CSMD1: variants seen among roughly 807,000 people sequenced by gnomAD.
CSMD1 encodes CUB and sushi domain-containing protein 1.
In CSMD1, 213 loss-of-function variants were observed where a neutral mutation model predicts 417.5. That is an observed-to-expected ratio of 0.51 (90% CI 0.46 to 0.57). The LOEUF is 0.57. CSMD1 is among the 20% of genes least tolerant of loss of function. CSMD1 has a pLI of 0.00. For synonymous variants in CSMD1, 2,862 were observed against 1,736.8 expected (o/e 1.65, Z -16.11); for missense variants, 6,923 against 4,529.7 (o/e 1.53, Z -15.17).
At chr8:3,909,093 C>T (rs951901143) in intron 5 of CSMD1, among the ~76,000 whole-genome samples, 2 of 152,096 alleles carry the variant, frequency 1.3e-5, no homozygotes, top group African/African-American at 4.8e-5. Flanking sequence ...TGAACAAGTC[C>T]ACTGGGCTGG....
chr8:3,827,788 T>C (rs535591180), intron 5 of CSMD1, among the ~76,000 whole-genome samples: 1 of 152,316 alleles, frequency 6.6e-6, no homozygotes, highest in African/African-American at 2.4e-5. Context: ...ATCCTATAAA[T>C]TATTGCCAGT....
chr8:3,792,541 T>A (rs558551537), intron 5 of CSMD1, among the ~76,000 whole-genome samples: 3 of 152,288 alleles, frequency 2.0e-5, no homozygotes, highest in African/African-American at 7.2e-5. Context: ...GATTTATTTT[T>A]CAGACTAGTA....
At chr8:3,935,005 A>C (rs1810385754) in intron 5 of CSMD1, among the ~76,000 whole-genome samples, 1 of 152,292 alleles carries the variant, frequency 6.6e-6, no homozygotes, top group African/African-American at 2.4e-5. Context: ...CACATAATCA[A>C]GTGCATGGAG....
intron 18 of CSMD1, among the ~76,000 whole-genome samples, chr8:3,375,770 G>T (rs1472578656): frequency 6.6e-6 from 1 of 152,048 alleles, no homozygotes; most frequent in African/African-American, 2.4e-5. Context: ...GGACACTGCA[G>T]CATGAATCTC....
intron 27 of CSMD1, among the ~76,000 whole-genome samples, chr8:3,228,628 C>T (rs1798653742): frequency 6.6e-6 from 1 of 151,960 alleles, no homozygotes; most frequent in African/African-American, 2.4e-5. Flanking sequence ...AACAGAAGAT[C>T]GATTTGTTTA....
intron 25 of CSMD1, among the ~76,000 whole-genome samples, chr8:3,298,703 C>T (rs894852275): frequency 3.3e-5 from 5 of 152,228 alleles, no homozygotes; most frequent in Non-Finnish European, 7.3e-5. Context: ...ATCTGCCCGC[C>T]TCAGCCTCCC....
intron 2 of CSMD1, among the ~76,000 whole-genome samples, chr8:4,541,855 T>A (rs1056921191): frequency 6.6e-6 from 1 of 152,086 alleles, no homozygotes; most frequent in African/African-American, 2.4e-5. Flanking sequence ...CAGTCAGCAA[T>A]ATGAAATGCC....
intron 10 of CSMD1, among the ~76,000 whole-genome samples, chr8:3,504,072 A>G (rs1264354434): frequency 6.6e-6 from 1 of 152,138 alleles, no homozygotes; most frequent in Non-Finnish European, 1.5e-5. Context: ...TGTGTATTTC[A>G]AAATAGCAAG....
At chr8:4,764,819 G>T (rs1697202799) in intron 1 of CSMD1, among the ~76,000 whole-genome samples, 1 of 136,518 alleles carries the variant, frequency 7.3e-6, no homozygotes, top group Non-Finnish European at 1.5e-5. Context: ...CTTGCGGTGA[G>T]CAGAGATCGC....
At chr8:3,775,223 T>G (rs866915690) in intron 5 of CSMD1, among the ~76,000 whole-genome samples, 3 of 152,210 alleles carry the variant, frequency 2.0e-5, no homozygotes, top group African/African-American at 7.2e-5. Context: ...GATAAAACTT[T>G]GCAAAACAAG....
chr8:4,644,379 C>G (rs549235057), intron 1 of CSMD1, among the ~76,000 whole-genome samples: 20 of 150,630 alleles, frequency 1.3e-4, no homozygotes, highest in African/African-American at 4.9e-4. Flanking sequence ...TCTCAATCAG[C>G]AACATTCTTC....
At chr8:4,490,254 T>C (rs886109954) in intron 2 of CSMD1, among the ~76,000 whole-genome samples, 1 of 151,984 alleles carries the variant, frequency 6.6e-6, no homozygotes. Context: ...CTTGGCCAGG[T>C]TGATCTTGAA....
chr8:4,031,404 G>C (rs1780739956), intron 4 of CSMD1, among the ~76,000 whole-genome samples: 1 of 152,124 alleles, frequency 6.6e-6, no homozygotes, highest in Non-Finnish European at 1.5e-5. Flanking sequence ...GCTTGTGCAG[G>C]GGAACTCCTC....
rs12548943 is a variant in CSMD1 at position 4,892,028 on chromosome 8, C to A, written c.85+102304G>T. Among the ~76,000 whole-genome samples the A allele has an allele frequency of 9.4e-3, 1,425 of 152,138 alleles. 11 individuals are homozygous for A. The highest frequency in any genetic ancestry group is 0.016 in the Non-Finnish European group (1,100 of 68,020). ...ACTGTAATGAGAGCACCACTAACAC[C>A]ACCAGATGTAGAAATAAACATTCTG... On this transcript the variant is annotated intron_variant, in intron 1 of 69. Transcript: ENST00000635120.
intron 1 of CSMD1, among the ~76,000 whole-genome samples, chr8:4,805,123 T>A (rs1798515306): frequency 6.6e-6 from 1 of 152,212 alleles, no homozygotes; most frequent in South Asian, 2.1e-4. Context: ...AAATGAGGTA[T>A]AGACCTGATT....
intron 8 of CSMD1, among the ~76,000 whole-genome samples, chr8:3,611,353 G>C (rs1282429616): frequency 6.6e-6 from 1 of 152,070 alleles, no homozygotes; most frequent in East Asian, 1.9e-4. Flanking sequence ...TGAAGCCTGA[G>C]GGAGCTCTGG....
intron 1 of CSMD1, among the ~76,000 whole-genome samples, chr8:4,780,062 C>T (rs1585086409): frequency 6.6e-6 from 1 of 152,160 alleles, no homozygotes; most frequent in South Asian, 2.1e-4. Flanking sequence ...TCATGGGGCA[C>T]GTACTTCAGG....
chr8:4,961,159 G>A (rs907324323), intron 1 of CSMD1, among the ~76,000 whole-genome samples: 3 of 152,056 alleles, frequency 2.0e-5, no homozygotes, highest in East Asian at 1.9e-4. Flanking sequence ...ACAACTTTTT[G>A]TTTTCCTGTA....
intron 7 of CSMD1, among the ~76,000 whole-genome samples, chr8:3,630,223 T>C (rs1055863397): frequency 6.6e-6 from 1 of 152,140 alleles, no homozygotes; most frequent in African/African-American, 2.4e-5. Flanking sequence ...AATAGCTAGA[T>C]GGGGGAGCAT....
Sources: allele counts gnomAD v4.1 joint callset (sites outside exome capture counted in the v4.1 genomes callset), GRCh38; gene constraint gnomAD v4.1.1; transcripts MANE v1.5; gene names NCBI Gene and HGNC (gene_info 2026-07-23, HGNC 2026-07-21).